The following ALPK2 variants were observed in gnomAD, a reference collection of about 807,000 sequenced individuals.
ALPK2 encodes the protein alpha kinase 2, also known as alpha-protein kinase 2.
A neutral mutation model predicts 163.1 loss-of-function variants in ALPK2; 127 were observed. The observed-to-expected ratio is 0.78, with a 90% CI of 0.67 to 0.90. ALPK2 has a LOEUF of 0.90. ALPK2 is among the 40% of genes least tolerant of loss of function. The pLI is 0.00. For missense variants in ALPK2, 2,360 were observed against 2,589.6 expected (o/e 0.91, Z 1.92); for synonymous variants, 953 against 959.1 (o/e 0.99, Z 0.12).
chr18:58,614,767 T>C (rs1602241135), intron 1 of ALPK2, among the ~76,000 whole-genome samples: 1 of 152,092 alleles, frequency 6.6e-6, no homozygotes, highest in East Asian at 1.9e-4. Context: ...CCATACACAA[T>C]TTACTCATTT....
chr18:58,577,337 T>C (rs1568090781), intron 4 of ALPK2, among the ~76,000 whole-genome samples: 4 of 152,096 alleles, frequency 2.6e-5, no homozygotes, highest in Admixed American at 2.6e-4. Flanking sequence ...CCCCTTCCCT[T>C]CCACTTCTTT....
At chr18:58,622,063 G>C (rs757096741) in intron 1 of ALPK2, among the ~76,000 whole-genome samples, 24 of 151,374 alleles carry the variant, frequency 1.6e-4, no homozygotes, top group African/African-American at 5.1e-4. Context: ...AAACCTGTGC[G>C]AGGCCGGGCA....
At chr18:58,531,428 A>T (rs936310781) in intron 5 of ALPK2, among the ~76,000 whole-genome samples, 4 of 151,632 alleles carry the variant, frequency 2.6e-5, no homozygotes, top group African/African-American at 4.9e-5. Context: ...AGTGACGAGG[A>T]CTCAGGATCT....
At chr18:58,499,826 T>C (rs1020648486) in intron 11 of ALPK2, among the ~76,000 whole-genome samples, 7 of 152,212 alleles carry the variant, frequency 4.6e-5, no homozygotes, top group Non-Finnish European at 8.8e-5. Context: ...AGAAACCAGT[T>C]TGGGCTGTGG....
chr18:58,611,606 G>T, intron 2 of ALPK2, 83 bp downstream of exon 2: 1 of 1,226,050 alleles, frequency 8.2e-7, no homozygotes, highest in Non-Finnish European at 1.2e-6. Context: ...CCCAAATGAT[G>T]TTTTAGTAAT....
chr18:58,534,797 C>T, intron 5 of ALPK2, 37 bp downstream of exon 5: 1 of 1,560,408 alleles, frequency 6.4e-7, no homozygotes, highest in South Asian at 1.3e-5. Context: ...TCTACAAGCC[C>T]AAACTTTAAC....
At position 58,573,613 on chromosome 18, in the gene ALPK2, C is replaced by CTTTTTTTTTTTTTTTTTT. The variant is rs778622176; in HGVS notation, c.1962+5183_1962+5200dup. Among the ~76,000 whole-genome samples, 64 of 51,734 alleles carry CTTTTTTTTTTTTTTTTTT rather than the reference C, an allele frequency of 1.2e-3. 2 individuals carry two copies. The highest frequency in any genetic ancestry group is 1.5e-3 in the Non-Finnish European group (45 of 30,996). The allele number at this position is 51,734 out of a possible 152,430, so 33.9% of individuals were successfully genotyped here. ...AGAGGCATGTTGCCATTTTTGTCTT[C>CTTTTTTTTTTTTTTTTTT]TTTTTTTTTTTTTTTTTTTTTTTTA... On this transcript the variant is annotated intron_variant, in intron 4 of 12. Coordinates refer to ENST00000361673, the MANE Select transcript of ALPK2 (RefSeq NM_052947.4).
chr18:58,573,270 A>ATGTG (rs1471467362), intron 4 of ALPK2, among the ~76,000 whole-genome samples: 8 of 147,590 alleles, frequency 5.4e-5, no homozygotes, highest in Non-Finnish European at 1.2e-4. Flanking sequence ...ATGTGTATAT[A>ATGTG]TATGTATATA....
intron 8 of ALPK2, 110 bp downstream of exon 8, chr18:58,523,696 C>T: frequency 1.4e-6 from 2 of 1,379,700 alleles, no homozygotes; most frequent in Non-Finnish European, 1.0e-6. Flanking sequence ...AGCTCTCCTT[C>T]TCGGTTGGAA....
chr18:58,578,360 C>G (rs1199919394), intron 4 of ALPK2: 2 of 155,434 alleles, frequency 1.3e-5, no homozygotes, highest in Admixed American at 1.3e-4. Context: ...AAGCCAAGAC[C>G]TATCATTTTC....
intron 1 of ALPK2, among the ~76,000 whole-genome samples, chr18:58,625,662 G>A (rs10871759): frequency 1.8e-4 from 27 of 152,090 alleles, no homozygotes; most frequent in African/African-American, 6.3e-4. Flanking sequence ...GCAAATGAGC[G>A]TGTTTAAGAG....
Position 58,523,822 on chromosome 18 carries a change from A to G in ALPK2, c.5649T>C (p.Ser1883=), listed in dbSNP as rs765692870. The G allele has an allele frequency of 1.2e-6, 2 of 1,614,144 alleles. No homozygotes were observed. The highest frequency in any genetic ancestry group is 2.2e-5 in the South Asian group (2 of 91,070). The change falls in exon 8 of 13, where the codon AGT becomes AGC. Residue 1883 remains serine, a synonymous_variant. Transcript: ENST00000361673. ...CTGACTTACCTTTAGTATCCTGGCG[A>G]CTTGACAGCTGTTTGAGAACTAGAA... ...LTAEVLKQLS[S]RQDTKGCEEI...
chr18:58,492,420 G>C (rs1000121173), intron 12 of ALPK2, among the ~76,000 whole-genome samples: 4 of 152,086 alleles, frequency 2.6e-5, no homozygotes, highest in Middle Eastern at 3.2e-3. Context: ...CTGTCATGAG[G>C]CTCCCACCTG....
In ALPK2 at chr18:58,545,554, T is replaced by C. The variant is rs1261215380; in HGVS notation, c.1963-7330A>G. The stretch of plus-strand genomic sequence containing the variant: ...AGGGAGAATGGGAAATATGAGAAGA[T>C]TGATTGTCAAAGGAGAGAGGCCACA... On this transcript the variant is annotated intron_variant, in intron 4 of 12. Transcript: ENST00000361673. Among the ~76,000 whole-genome samples, 5 of 152,064 alleles carry C rather than the reference T, an allele frequency of 3.3e-5. No homozygotes were observed. The East Asian group carries it at 5.8e-4, about 18-fold the overall frequency.
intron 3 of ALPK2, among the ~76,000 whole-genome samples, chr18:58,598,629 G>A (rs1790531279): frequency 6.6e-6 from 1 of 152,184 alleles, no homozygotes; most frequent in African/African-American, 2.4e-5. Context: ...TACATCGTCG[G>A]GGCAAAGCCC....
intron 4 of ALPK2, among the ~76,000 whole-genome samples, chr18:58,542,079 A>T (rs2051692636): frequency 6.6e-6 from 1 of 152,224 alleles, no homozygotes; most frequent in Non-Finnish European, 1.5e-5. Context: ...ATTCAAGTGA[A>T]AAAAGGAGTG....
At chr18:58,525,797 C>A (rs1046372695) in intron 6 of ALPK2, among the ~76,000 whole-genome samples, 2 of 151,932 alleles carry the variant, frequency 1.3e-5, no homozygotes, top group Non-Finnish European at 2.9e-5. Flanking sequence ...CAGTCTTGAG[C>A]GTGGTCACGA....
chr18:58,579,817 T>C lies in ALPK2; in HGVS notation c.959A>G (p.Glu320Gly), dbSNP rs1186206541. The C allele has an allele frequency of 6.2e-7, 1 of 1,614,080 alleles. No individual in the cohort carries two copies. The highest frequency in any genetic ancestry group is 8.5e-7 in the Non-Finnish European group (1 of 1,180,024). Residue 320 changes from glutamate (E) to glycine (G), a missense_variant, in exon 4 of 13, where the codon GAG becomes GGG. By Grantham distance (98) the Glu-to-Gly change is moderately conservative (BLOSUM62 -2). Transcript: ENST00000361673. The part of the protein sequence containing the change: ...LCPEITLTYT[E>G]EFSDDDLEYL... ...CTCCAGGTCATCATCTGAAAACTCC[T>C]CGGTGTAGGTTAGGGTTATCTCTGG...
rs1182339392 is a variant in ALPK2 at position 58,502,510 on chromosome 18, G to C, written c.6247+1421C>G. Among the ~76,000 whole-genome samples the C allele has an allele frequency of 2.6e-5, 4 of 152,336 alleles. No individual in the cohort carries two copies. In the East Asian group the frequency reaches 5.8e-4, roughly 22 times the overall value. ...AGGTAATTTGCCCACAGGCTACCAG[G>C]CTGGAAGTGGCAGTGCAGGGAACAG... On this transcript the variant is annotated intron_variant, in intron 11 of 12. Coordinates refer to ENST00000361673, the MANE Select transcript of ALPK2 (RefSeq NM_052947.4).
Sources: allele counts gnomAD v4.1 joint callset (sites outside exome capture counted in the v4.1 genomes callset), GRCh38; gene constraint gnomAD v4.1.1; transcripts MANE v1.5; gene names NCBI Gene and HGNC (gene_info 2026-07-23, HGNC 2026-07-21).